TMCC1: variants seen among roughly 807,000 people sequenced by gnomAD.
TMCC1 encodes the protein transmembrane and coiled-coil domains protein 1.
Under a neutral mutation model 52.4 loss-of-function variants are expected in TMCC1, and 15 were observed. That is an observed-to-expected ratio of 0.29 (90% CI 0.19 to 0.44). The LOEUF is 0.44. Among genes scored for constraint, TMCC1 ranks in the 20% least tolerant of loss-of-function variants. The pLI is 1.00. For synonymous variants in TMCC1, 279 were observed against 301.9 expected (o/e 0.92, Z 0.79); for missense variants, 503 against 806.0 (o/e 0.62, Z 4.55).
At chr3:129,878,521 C>T (rs942591546) in intron 2 of TMCC1, among the ~76,000 whole-genome samples, 84 of 151,654 alleles carry the variant, frequency 5.5e-4, no homozygotes, top group African/African-American at 2.0e-3. Context: ...GTCACTGCTA[C>T]TCTCTAGCAC....
At chr3:129,661,250 A>C (rs2087003814) in intron 5 of TMCC1, among the ~76,000 whole-genome samples, 1 of 152,116 alleles carries the variant, frequency 6.6e-6, no homozygotes, top group African/African-American at 2.4e-5. Flanking sequence ...AAATAGCAAA[A>C]CCCTGTCTTT....
At chr3:129,660,263 T>G (rs2108859721) in intron 5 of TMCC1, among the ~76,000 whole-genome samples, 1 of 152,254 alleles carries the variant, frequency 6.6e-6, no homozygotes, top group African/African-American at 2.4e-5. Flanking sequence ...CCCTTCCACC[T>G]CAGCCTCCCA....
chr3:129,793,041 G>A (rs1165560451), intron 4 of TMCC1, among the ~76,000 whole-genome samples: 1 of 152,060 alleles, frequency 6.6e-6, no homozygotes, highest in Non-Finnish European at 1.5e-5. Flanking sequence ...GAACGTCACT[G>A]CCCTGATATC....
In TMCC1 at chr3:129,649,714, A is replaced by T. The variant is rs1437508426; in HGVS notation, c.*1767T>A. On this transcript the variant is annotated 3_prime_UTR_variant, in exon 7 of 7. Transcript: ENST00000393238. ...CCTGGTAAGTGGAAACAGGCAAAGCATACTTTGTTACTCTTTTCAGGGCAT... is the reference window on the plus strand; with the variant it reads ...CCTGGTAAGTGGAAACAGGCAAAGCTTACTTTGTTACTCTTTTCAGGGCAT... 2.0e-5 allele frequency: 3 copies of T among 152,718 alleles called. No individual in the cohort carries two copies. The highest frequency in any genetic ancestry group is 2.0e-4 in the Admixed American group (3 of 15,294). The allele number at this position is 152,718 out of a possible 1,614,324, so 9.5% of individuals were successfully genotyped here.
rs186684201 is a variant in TMCC1, at chr3:129,667,606, G to C, written c.1511+2724C>G. Among the ~76,000 whole-genome samples the C allele has an allele frequency of 6.5e-3, 985 of 152,140 alleles. 5 individuals are homozygous for C. Among genetic ancestry groups the C allele is most frequent in the Non-Finnish European group, 0.011 (765 of 68,006 alleles). The stretch of plus-strand genomic sequence containing the variant: ...GTTCTGTCTTCATTCCATAAAACTA[G>C]TCATTTACCTACTAGAAAGAACCCA... On this transcript the variant is annotated intron_variant, in intron 5 of 6. Coordinates refer to ENST00000393238, the MANE Select transcript of TMCC1 (RefSeq NM_001017395.5).
chr3:129,789,746 C>T (rs1427073933), intron 4 of TMCC1, among the ~76,000 whole-genome samples: 1 of 152,186 alleles, frequency 6.6e-6, no homozygotes, highest in East Asian at 1.9e-4. Flanking sequence ...TCCCAAAGTG[C>T]TGGGATTACA....
intron 4 of TMCC1, among the ~76,000 whole-genome samples, chr3:129,762,821 AAATGTTTTGTT>A (rs1170541096): frequency 1.3e-5 from 2 of 152,014 alleles, no homozygotes; most frequent in African/African-American, 4.8e-5. Flanking sequence ...GAAATATAAA[AAATGTTTTGTT>A]AAAGAGCATG....
intron 4 of TMCC1, among the ~76,000 whole-genome samples, chr3:129,691,241 C>T (rs1219269121): frequency 6.6e-6 from 1 of 152,142 alleles, no homozygotes; most frequent in African/African-American, 2.4e-5. Context: ...TTGTCTATGT[C>T]GAGTGTAATT....
At chr3:129,879,516 G>A (rs1380124072) in intron 2 of TMCC1, among the ~76,000 whole-genome samples, 3 of 152,048 alleles carry the variant, frequency 2.0e-5, no homozygotes, top group Non-Finnish European at 2.9e-5. Context: ...TGTCTACAAC[G>A]CAATAACAAT....
At chr3:129,884,225 A>T (rs891465280) in intron 1 of TMCC1, among the ~76,000 whole-genome samples, 16 of 152,208 alleles carry the variant, frequency 1.1e-4, no homozygotes, top group Admixed American at 1.0e-3. Flanking sequence ...AGCACCAAAA[A>T]AAGGTAAAAT....
intron 4 of TMCC1, among the ~76,000 whole-genome samples, chr3:129,745,955 C>T (rs79282229): frequency 0.024 from 3,579 of 151,282 alleles, 121 homozygotes; most frequent in African/African-American, 0.081. Flanking sequence ...TGGGGTCTTT[C>T]TTTGTTGCCC....
chr3:129,658,693 T>C (rs1010985892), intron 5 of TMCC1, among the ~76,000 whole-genome samples: 4 of 152,154 alleles, frequency 2.6e-5, no homozygotes, highest in Admixed American at 6.5e-5. Flanking sequence ...TTCAAAATGA[T>C]ATTGACAGAT....
At chr3:129,652,314 T>C (rs1285859043) in intron 6 of TMCC1, among the ~76,000 whole-genome samples, 1 of 152,154 alleles carries the variant, frequency 6.6e-6, no homozygotes, top group East Asian at 1.9e-4. Flanking sequence ...AAAAATAAAA[T>C]CCTAAGACCC....
chr3:129,734,955 T>G (rs6439197), intron 4 of TMCC1, among the ~76,000 whole-genome samples: 130,860 of 150,926 alleles, frequency 0.87, 57,403 homozygotes, highest in East Asian at 1. Flanking sequence ...CAGGCTGGAG[T>G]GCAGTGGCGT....
intron 2 of TMCC1, among the ~76,000 whole-genome samples, chr3:129,865,919 A>G (rs2060602247): frequency 6.6e-6 from 1 of 152,164 alleles, no homozygotes; most frequent in African/African-American, 2.4e-5. Context: ...GGATCTCAAA[A>G]TGCAGATGTC....
chr3:129,663,923 C>T (rs1560138248), intron 5 of TMCC1, among the ~76,000 whole-genome samples: 1 of 152,142 alleles, frequency 6.6e-6, no homozygotes, highest in African/African-American at 2.4e-5. Flanking sequence ...AATATCATTA[C>T]ATTTTTACAG....
chr3:129,881,514 T>C (rs1044189800), intron 1 of TMCC1, among the ~76,000 whole-genome samples: 2 of 152,082 alleles, frequency 1.3e-5, no homozygotes, highest in Non-Finnish European at 2.9e-5. Flanking sequence ...AAAAAACATA[T>C]GTAGGTTTTG....
chr3:129,828,219 G>A lies in TMCC1; in HGVS notation c.160C>T (p.His54Tyr). ...NINVIGQGLK[H>Y]LFQHQRRRSS... ...CTCCTGCGCTGGTGCTGGAAGAGAT[G>A]CTTCAAGCCTTGGCCAATCACGTTA... Residue 54 changes from histidine to tyrosine, a missense_variant, in exon 4 of 7, where the codon CAT (histidine) becomes TAT (tyrosine). This residue lies in a region of TMCC1 where 217 missense variants were observed against 297.9 expected (regional missense o/e 0.73). Coordinates refer to ENST00000393238, the MANE Select transcript of TMCC1 (RefSeq NM_001017395.5). The surrounding 1 kb of genome is among the most constrained non-coding windows in gnomAD (Gnocchi z 4.1). The A allele has an allele frequency of 1.2e-6, 2 of 1,614,136 alleles. No homozygotes were observed. The highest frequency in any genetic ancestry group is 1.7e-6 in the Non-Finnish European group (2 of 1,180,018).
intron 4 of TMCC1, among the ~76,000 whole-genome samples, chr3:129,723,411 T>C (rs2049803116): frequency 6.7e-6 from 1 of 148,230 alleles, no homozygotes; most frequent in East Asian, 1.9e-4. Context: ...ATTTTTTTTT[T>C]TTAATTTAAT....
Sources: allele counts gnomAD v4.1 joint callset (sites outside exome capture counted in the v4.1 genomes callset), GRCh38; gene constraint gnomAD v4.1.1; regional missense constraint gnomAD v4.1.1; non-coding constraint Gnocchi (gnomAD v3.1); transcripts MANE v1.5; gene names NCBI Gene and HGNC (gene_info 2026-07-23, HGNC 2026-07-21).